Variants in G2E3 observed in about 807,000 individuals in gnomAD.
G2E3 encodes G2/M-phase specific E3 ubiquitin protein ligase.
G2E3 carries 35 observed loss-of-function variants against 92.8 expected under a neutral mutation model. The ratio of observed to expected loss-of-function variants is 0.38; its 90% CI spans 0.29 to 0.50. The LOEUF (loss-of-function observed/expected upper bound fraction) is 0.50. G2E3 is among the 20% of genes least tolerant of loss of function. The pLI is 0.94. For synonymous variants in G2E3, 242 were observed against 272.4 expected, an observed-to-expected ratio of 0.89 and a Z score of 1.10; for missense variants, 554 against 823.8, an observed-to-expected ratio of 0.67 and a Z score of 4.01.
At chr14:30,568,914 A>G (rs1879594568) in intron 1 of G2E3, among the ~76,000 whole-genome samples, 1 of 151,922 alleles carries the variant, frequency 6.6e-6, no homozygotes, top group Admixed American at 6.6e-5. Flanking sequence ...TATGGCTTTG[A>G]CTTACTGTCT....
intron 2 of G2E3, among the ~76,000 whole-genome samples, chr14:30,584,756 GT>G (rs1244661319): frequency 2.0e-5 from 3 of 148,464 alleles, no homozygotes; most frequent in Non-Finnish European, 4.5e-5. Flanking sequence ...TGTTATCAGA[GT>G]TTTTTTAATG....
At chr14:30,576,736 C>A (rs1028816235) in intron 1 of G2E3, among the ~76,000 whole-genome samples, 2 of 151,996 alleles carry the variant, frequency 1.3e-5, no homozygotes, top group Non-Finnish European at 2.9e-5. Flanking sequence ...TAGAGTACAT[C>A]GAATAATGCA....
intron 1 of G2E3, chr14:30,559,597 A>C (rs1263295699): frequency 6.6e-6 from 1 of 152,174 alleles, no homozygotes; most frequent in Admixed American, 6.5e-5. Flanking sequence ...ATTTCCACCA[A>C]TTCGGCTCGA....
intron 13 of G2E3, among the ~76,000 whole-genome samples, chr14:30,613,629 G>A (rs939561065): frequency 6.6e-6 from 1 of 151,746 alleles, no homozygotes; most frequent in Non-Finnish European, 1.5e-5. Context: ...GTTGGTCATG[G>A]TATCTAGACC....
intron 1 of G2E3, among the ~76,000 whole-genome samples, chr14:30,563,548 A>G (rs1305259056): frequency 1.3e-5 from 2 of 148,690 alleles, no homozygotes; most frequent in Non-Finnish European, 3.0e-5. Context: ...ATGTGTTGCT[A>G]TGACAGTGGA....
intron 8 of G2E3, 102 bp downstream of exon 8, chr14:30,598,701 G>A (rs994278050): frequency 1.2e-6 from 1 of 812,072 alleles, no homozygotes; most frequent in African/African-American, 1.7e-5. Context: ...CTCTTAGGAT[G>A]TTAGAAGTTT....
Position 30,559,214 on chromosome 14 carries a change from G to T in G2E3, c.-63G>T, listed in dbSNP as rs955678480. On this transcript the variant is annotated 5_prime_UTR_variant, in exon 1 of 15. Coordinates refer to ENST00000206595, the MANE Select transcript of G2E3 (RefSeq NM_017769.5). ...CTGCTCGCGGTCGGCGTGCCCCGAC[G>T]TACAGCGGGCCGGGAAAAGTGGCAC... 3 of 152,552 alleles carry T rather than the reference G, an allele frequency of 2.0e-5. No homozygotes were observed. The highest frequency in any genetic ancestry group is 4.4e-5 in the Non-Finnish European group (3 of 68,288). The allele number at this position is 152,552 out of a possible 1,614,324, so 9.4% of individuals were successfully genotyped here.
Position 30,602,001 on chromosome 14 carries a change from G to C in G2E3, c.880G>C (p.Glu294Gln), listed in dbSNP as rs368854800. Reference sequence around the variant, plus strand: ...AACATGGAAATTTAAATCTGTAGGAGAGTTCCAAAAAGCCAAAAAACATGT... The same window carrying C: ...AACATGGAAATTTAAATCTGTAGGACAGTTCCAAAAAGCCAAAAAACATGT... ...ECRGIIYNSGEFQKAKKHVLP... is the reference protein window; with the variant it reads ...ECRGIIYNSGQFQKAKKHVLP... The change falls in exon 10 of 15, where the codon GAG becomes CAG. Residue 294 changes from glutamate (E) to glutamine (Q), a missense_variant and splice_region_variant. This residue lies in a region of G2E3 where 397 missense variants were observed against 560.3 expected (regional missense o/e 0.71). Coordinates refer to ENST00000206595, the MANE Select transcript of G2E3 (RefSeq NM_017769.5). 6.2e-7 allele frequency: 1 copy of C among 1,611,044 alleles called. No homozygotes were observed. Among genetic ancestry groups the C allele is most frequent in the African/African-American group, 1.3e-5 (1 of 74,736 alleles).
chr14:30,586,907 A>AT, intron 3 of G2E3, 92 bp downstream of exon 3: 2 of 442,798 alleles, frequency 4.5e-6, no homozygotes, highest in Non-Finnish European at 8.2e-6. Context: ...TGGATAAGTC[A>AT]TTTAACTTCT....
At chr14:30,560,567 A>G (rs533895886) in intron 1 of G2E3, 7 of 504,292 alleles carry the variant, frequency 1.4e-5, no homozygotes, top group African/African-American at 5.8e-5. Flanking sequence ...CATTGGCTAT[A>G]CTTCTCTAAG....
rs544007004 is a variant in G2E3 at position 30,589,796 on chromosome 14, TC to T, written c.237+313del. Among the ~76,000 whole-genome samples the T allele has an allele frequency of 2.8e-3, 433 of 152,146 alleles. 1 individual carries two copies. Among genetic ancestry groups the T allele is most frequent in the Non-Finnish European group, 4.4e-3 (297 of 67,946 alleles). On this transcript the variant is annotated intron_variant, in intron 4 of 14. Coordinates refer to ENST00000206595, the MANE Select transcript of G2E3 (RefSeq NM_017769.5). ...TCTTCTCTGACCATCAGAATTATGA[TC>T]ATAACTCCACTCTGCTGTTCTCTAA...
intron 1 of G2E3, among the ~76,000 whole-genome samples, chr14:30,565,852 C>T (rs1300257870): frequency 6.6e-6 from 1 of 151,562 alleles, no homozygotes. Flanking sequence ...TTAGTAGAGA[C>T]TGGGTTTCAC....
At chr14:30,579,528 A>C (rs2138813441) in intron 1 of G2E3, among the ~76,000 whole-genome samples, 1 of 152,050 alleles carries the variant, frequency 6.6e-6, no homozygotes, top group South Asian at 2.1e-4. Flanking sequence ...GTATAAGTTT[A>C]ATTTGGTTAA....
intron 8 of G2E3, among the ~76,000 whole-genome samples, chr14:30,600,696 C>G (rs1282644219): frequency 6.6e-6 from 1 of 152,026 alleles, no homozygotes; most frequent in African/African-American, 2.4e-5. Flanking sequence ...AATCTCACGC[C>G]CTCTCATCCT....
At chr14:30,596,353 A>G (rs229258) in intron 6 of G2E3, among the ~76,000 whole-genome samples, 147,215 of 152,240 alleles carry the variant, frequency 0.97, 71,224 homozygotes, top group East Asian at 1. Context: ...GTCTTTCTCT[A>G]GGGCCTTAGT....
chr14:30,564,880 T>C (rs1879339991), intron 1 of G2E3, among the ~76,000 whole-genome samples: 1 of 152,172 alleles, frequency 6.6e-6, no homozygotes. Context: ...TATAATTAGG[T>C]TGTTTCTTTG....
chr14:30,615,533 G>A lies in G2E3; in HGVS notation c.1858G>A (p.Val620Ile). 1 of 1,564,594 alleles carries A rather than the reference G, an allele frequency of 6.4e-7. No homozygotes were observed. The highest frequency in any genetic ancestry group is 8.7e-7 in the Non-Finnish European group (1 of 1,153,182). The part of the protein sequence containing the change: ...LGFWNSYLQA[V>I]EDGKSTTTME... ...GTTTTGGAACAGTTACTTACAGGCT[G>A]TTGAAGGTATGTGGATATTTTATTT... The change falls in exon 14 of 15, where the codon GTT becomes ATT. Residue 620 changes from valine to isoleucine, a missense_variant. Val to Ile is a conservative substitution (Grantham distance 29). This residue lies in a region of G2E3 where 397 missense variants were observed against 560.3 expected (regional missense o/e 0.71). Coordinates refer to ENST00000206595, the MANE Select transcript of G2E3 (RefSeq NM_017769.5).
chr14:30,574,322 G>A (rs942509004), intron 1 of G2E3, among the ~76,000 whole-genome samples: 9 of 151,992 alleles, frequency 5.9e-5, no homozygotes, highest in South Asian at 2.1e-4. Context: ...CAATTGCCTC[G>A]GTGATGTCCT....
intron 1 of G2E3, among the ~76,000 whole-genome samples, chr14:30,574,760 CT>C (rs1299680539): frequency 6.6e-6 from 1 of 152,164 alleles, no homozygotes; most frequent in African/African-American, 2.4e-5. Flanking sequence ...TGATCTTACT[CT>C]TTTTTATGGC....
Sources: allele counts gnomAD v4.1 joint callset (sites outside exome capture counted in the v4.1 genomes callset), GRCh38; gene constraint gnomAD v4.1.1; regional missense constraint gnomAD v4.1.1; transcripts MANE v1.5; gene names NCBI Gene and HGNC (gene_info 2026-07-23, HGNC 2026-07-21).